The following NIPBL variants were observed in gnomAD, a reference collection of about 807,000 sequenced individuals.
The protein encoded by NIPBL is nipped-B-like protein.
NIPBL carries 19 observed loss-of-function variants against 321.8 expected under a neutral mutation model. The ratio of observed to expected loss-of-function variants is 0.06; its 90% confidence interval spans 0.04 to 0.09. The LOEUF is 0.09. Among genes scored for constraint, NIPBL ranks in the 10% least tolerant of loss-of-function variants. NIPBL has a pLI of 1.00. For missense variants in NIPBL, 2,210 were observed against 3,327.0 expected, an observed-to-expected ratio of 0.66 and a Z score of 8.26; for synonymous variants, 1,106 against 1,114.1, an observed-to-expected ratio of 0.99 and a Z score of 0.14.
rs758540554 is a variant in NIPBL at position 37,027,322 on chromosome 5, A to G, written c.5809-37A>G. On this transcript the variant is annotated intron_variant, in intron 31 of 46. Transcript: ENST00000282516. ...AAGTATATTTTATTCACATTTATAA[A>G]TATACTTCTAACTTTGATTCTTTTC... 22 of 1,466,036 alleles carry G rather than the reference A, an allele frequency of 1.5e-5. No homozygotes were observed. In the Admixed American group the frequency reaches 3.5e-4, roughly 23 times the overall value. The allele number at this position is 1,466,036 out of a possible 1,614,324, so 90.8% of individuals were successfully genotyped here.
intron 33 of NIPBL, among the ~76,000 whole-genome samples, chr5:37,036,877 T>A (rs1196653900): frequency 6.6e-6 from 1 of 152,042 alleles, no homozygotes; most frequent in Non-Finnish European, 1.5e-5. Context: ...TTGTTTTAGC[T>A]ATTATAAAAA....
chr5:36,932,801 T>TTTTA (rs1554063689), intron 1 of NIPBL, among the ~76,000 whole-genome samples: 1 of 149,602 alleles, frequency 6.7e-6, no homozygotes, highest in African/African-American at 2.5e-5. Context: ...TTTTTTTTTT[T>TTTTA]TTAAAGAACA....
chr5:36,972,813 C>A (rs1331937839), intron 8 of NIPBL, among the ~76,000 whole-genome samples: 1 of 151,790 alleles, frequency 6.6e-6, no homozygotes, highest in Non-Finnish European at 1.5e-5. Context: ...CTAACCTGTT[C>A]TGTTAATTTT....
chr5:36,991,745 G>GTTTTTTT (rs34780358), intron 10 of NIPBL, among the ~76,000 whole-genome samples: 1 of 127,570 alleles, frequency 7.8e-6, no homozygotes, highest in African/African-American at 2.9e-5. Context: ...GCCTGCCCAA[G>GTTTTTTT]TTTTTTTTTT....
intron 45 of NIPBL, among the ~76,000 whole-genome samples, chr5:37,062,962 A>G (rs917292301): frequency 6.6e-6 from 1 of 152,118 alleles, no homozygotes; most frequent in African/African-American, 2.4e-5. Flanking sequence ...GGCAAATTTT[A>G]TGATATTTCT....
intron 1 of NIPBL, among the ~76,000 whole-genome samples, chr5:36,947,240 G>T (rs1006777990): frequency 1.3e-5 from 2 of 151,878 alleles, no homozygotes; most frequent in African/African-American, 4.8e-5. Context: ...CTATAGTTCA[G>T]ACTACTTTTG....
intron 4 of NIPBL, among the ~76,000 whole-genome samples, chr5:36,959,105 G>A (rs1473365488): frequency 6.6e-6 from 1 of 152,182 alleles, no homozygotes; most frequent in Non-Finnish European, 1.5e-5. Context: ...TACTTGGGAG[G>A]TTGAAGTGGG....
rs1747357764 is a variant in NIPBL, at chr5:36,903,072, C to T, written c.-80+25894C>T. 2.0e-5 allele frequency among the ~76,000 whole-genome samples: 3 copies of T among 152,060 alleles called. 1 individual carries two copies. In the South Asian group the frequency reaches 6.2e-4, roughly 32 times the overall value. On this transcript the variant is annotated intron_variant, in intron 1 of 46. Transcript: ENST00000282516. ...TTCTTGATTTGACTCTCAGCTTGGA[C>T]GTCATTGGTTTATAGAAATGCTACT...
At chr5:36,902,626 T>G (rs1747319148) in intron 1 of NIPBL, among the ~76,000 whole-genome samples, 1 of 152,222 alleles carries the variant, frequency 6.6e-6, no homozygotes, top group African/African-American at 2.4e-5. Context: ...ACCAGTACTG[T>G]GCTGTTTTGG....
chr5:36,992,680 T>A (rs1745664831), intron 10 of NIPBL, among the ~76,000 whole-genome samples: 1 of 151,926 alleles, frequency 6.6e-6, no homozygotes, highest in South Asian at 2.1e-4. Flanking sequence ...ATATTGAAGA[T>A]CTCAGGCCTG....
At chr5:36,899,474 CAG>C in intron 1 of NIPBL, among the ~76,000 whole-genome samples, 1 of 152,240 alleles carries the variant, frequency 6.6e-6, no homozygotes, top group Non-Finnish European at 1.5e-5. Flanking sequence ...ATATTCAGTG[CAG>C]ACTGTTGTAA....
chr5:37,021,912 G>A (rs573886048), intron 27 of NIPBL, 139 bp from the exon 28 acceptor site: 9 of 712,704 alleles, frequency 1.3e-5, no homozygotes, highest in Admixed American at 2.3e-5. Flanking sequence ...GAATCATTAG[G>A]AAAGATCCTT....
chr5:36,912,542 C>A (rs561566041), intron 1 of NIPBL, among the ~76,000 whole-genome samples: 2 of 151,200 alleles, frequency 1.3e-5, no homozygotes, highest in East Asian at 3.9e-4. Context: ...TCACTGTCGC[C>A]CAGGCTGGAG....
intron 9 of NIPBL, among the ~76,000 whole-genome samples, chr5:36,983,916 T>C (rs1319385008): frequency 6.6e-6 from 1 of 152,028 alleles, no homozygotes; most frequent in Admixed American, 6.6e-5. Context: ...AGGAACTGTT[T>C]CCTTCAGTGG....
intron 34 of NIPBL, among the ~76,000 whole-genome samples, chr5:37,043,594 C>A (rs974069213): frequency 6.6e-6 from 1 of 151,738 alleles, no homozygotes; most frequent in Non-Finnish European, 1.5e-5. Flanking sequence ...CCTAGCTACT[C>A]GAGAGACTGT....
In NIPBL at chr5:36,975,830, G is replaced by C; in HGVS notation, c.923G>C (p.Arg308Pro). ...QSQSLPCSSP[R>P]DVPPDILLDS... Reference sequence around the variant, plus strand: ...CAGTCTCTACCTTGTTCATCACCTCGAGATGTTCCACCAGATATCTTGCTA... The same window carrying C: ...CAGTCTCTACCTTGTTCATCACCTCCAGATGTTCCACCAGATATCTTGCTA... Residue 308 changes from arginine to proline, a missense_variant, in exon 9 of 47, where the codon CGA becomes CCA. Coordinates refer to ENST00000282516, the MANE Select transcript of NIPBL (RefSeq NM_133433.4). The C allele has an allele frequency of 6.2e-7, 1 of 1,612,934 alleles. No homozygotes were observed. Among genetic ancestry groups the C allele is most frequent in the Non-Finnish European group, 8.5e-7 (1 of 1,179,692 alleles).
At chr5:36,919,904 C>A (rs1748794180) in intron 1 of NIPBL, among the ~76,000 whole-genome samples, 1 of 151,756 alleles carries the variant, frequency 6.6e-6, no homozygotes, top group Non-Finnish European at 1.5e-5. Flanking sequence ...ATCTTGGATG[C>A]CTTTTAAAAT....
chr5:36,963,638 C>CAA (rs796658799), intron 6 of NIPBL, among the ~76,000 whole-genome samples: 2 of 117,334 alleles, frequency 1.7e-5, no homozygotes. Flanking sequence ...CCTGTCTCTA[C>CAA]AAAAAAAAAA....
chr5:37,012,695 T>C (rs1204220931), intron 21 of NIPBL, among the ~76,000 whole-genome samples: 1 of 152,042 alleles, frequency 6.6e-6, no homozygotes, highest in African/African-American at 2.4e-5. Flanking sequence ...CCTTCAAGCA[T>C]CTGTTTAACA....
Sources: allele counts gnomAD v4.1 joint callset (sites outside exome capture counted in the v4.1 genomes callset), GRCh38; gene constraint gnomAD v4.1.1; transcripts MANE v1.5; gene names NCBI Gene and HGNC (gene_info 2026-07-23, HGNC 2026-07-21).